The following PRDM1 variants were observed in gnomAD, a reference collection of about 807,000 sequenced individuals.
PRDM1 encodes PR domain zinc finger protein 1.
PRDM1 carries 13 observed loss-of-function variants against 62.8 expected under a neutral mutation model. The observed-to-expected ratio is 0.21, with a 90% CI of 0.13 to 0.33. PRDM1 has a LOEUF of 0.33. Among genes scored for constraint, PRDM1 ranks in the 10% least tolerant of loss-of-function variants. PRDM1 has a pLI of 1.00. For synonymous variants in PRDM1, 396 were observed against 417.6 expected, an observed-to-expected ratio of 0.95 and a Z score of 0.63; for missense variants, 895 against 1,058.8, an observed-to-expected ratio of 0.85 and a Z score of 2.15.
chr6:106,014,393 A>G (rs922589470), intron 1 of PRDM1, among the ~76,000 whole-genome samples: 6 of 151,210 alleles, frequency 4.0e-5, no homozygotes, highest in South Asian at 4.2e-4. Flanking sequence ...TGCCTTGTTC[A>G]CTGTTGTCTC....
chr6:106,100,703 C>T (rs1368074155), intron 4 of PRDM1: 1 of 152,192 alleles, frequency 6.6e-6, no homozygotes, highest in Non-Finnish European at 1.5e-5. Flanking sequence ...CTTCATTTTA[C>T]TTGATCTCCC....
rs1774515510 is a variant in PRDM1, at chr6:106,107,145, G to T, written c.2137G>T (p.Ala713Ser). ...TCACCTGAAAGGGAACTGCGCTGCG[G>T]CCCCGGCGCCTGGGCTGCCCTTGGA... ...KVHLKGNCAA[A>S]PAPGLPLEDL... Residue 713 changes from alanine (A) to serine (S), a missense_variant, in exon 7 of 7, where the codon GCC becomes TCC. Physicochemically the swap from Ala to Ser is moderately conservative, Grantham distance 99. Transcript: ENST00000369096. 6.2e-7 allele frequency: 1 copy of T among 1,614,152 alleles called. No individual in the cohort carries two copies. The highest frequency in any genetic ancestry group is 8.5e-7 in the Non-Finnish European group (1 of 1,180,000).
At chr6:106,094,370 CTG>C (rs1197379080) in intron 2 of PRDM1, among the ~76,000 whole-genome samples, 2 of 152,180 alleles carry the variant, frequency 1.3e-5, no homozygotes, top group African/African-American at 4.8e-5. Context: ...TAACTGCAAA[CTG>C]TTGTAAAGGA....
In PRDM1 at chr6:106,107,948, T is replaced by C. The variant is rs1286980256; in HGVS notation, c.*462T>C. 2 of 232,634 alleles carry C rather than the reference T, an allele frequency of 8.6e-6. No homozygotes were observed. Among genetic ancestry groups the C allele is most frequent in the Non-Finnish European group, 1.7e-5 (2 of 117,506 alleles). 14.4% of individuals were successfully genotyped at this position (232,634 alleles called of 1,614,324 possible). ...ATTTGAGTATAAATGTATTTTTGTC[T>C]TGTGGCCATTCTTTGTAGATAATTT... On this transcript the variant is annotated 3_prime_UTR_variant, in exon 7 of 7. Coordinates refer to ENST00000369096, the MANE Select transcript of PRDM1 (RefSeq NM_001198.4).
chr6:106,071,357 T>G (rs1472716373), intron 1 of PRDM1, among the ~76,000 whole-genome samples: 1 of 152,180 alleles, frequency 6.6e-6, no homozygotes, highest in East Asian at 1.9e-4. Context: ...TATATATGTA[T>G]GTATGTATAT....
upstream of PRDM1, among the ~76,000 whole-genome samples, chr6:106,081,781 T>C (rs1348317386): frequency 6.6e-6 from 1 of 152,204 alleles, no homozygotes; most frequent in Admixed American, 6.5e-5. Context: ...CTTTGGTTAA[T>C]ATTCTGTGAT....
chr6:106,014,441 C>CAAAA (rs10625805), intron 1 of PRDM1, among the ~76,000 whole-genome samples: 24 of 147,528 alleles, frequency 1.6e-4, no homozygotes, highest in Non-Finnish European at 2.8e-4. Flanking sequence ...AAGAAATGTT[C>CAAAA]AAAAAAAAAA....
chr6:106,055,167 A>G (rs1773242861), intron 1 of PRDM1, among the ~76,000 whole-genome samples: 1 of 152,202 alleles, frequency 6.6e-6, no homozygotes, highest in East Asian at 1.9e-4. Context: ...ATCACTGCTA[A>G]TTGAACCTTC....
chr6:106,081,564 A>T (rs1488210438), upstream of PRDM1, among the ~76,000 whole-genome samples: 1 of 152,190 alleles, frequency 6.6e-6, no homozygotes, highest in East Asian at 1.9e-4. Context: ...TCTTCGACTT[A>T]GATTGGATAC....
chr6:106,064,242 G>C (rs1442205810), intron 1 of PRDM1, among the ~76,000 whole-genome samples: 1 of 152,114 alleles, frequency 6.6e-6, no homozygotes, highest in Non-Finnish European at 1.5e-5. Flanking sequence ...TTCAGATAAG[G>C]CCCAAAAGCA....
At chr6:106,099,598 G>A (rs774798946) in intron 4 of PRDM1, 46 bp downstream of exon 4, 6 of 1,603,474 alleles carry the variant, frequency 3.7e-6, no homozygotes, top group Middle Eastern at 1.7e-4. Flanking sequence ...CAGTAATGTC[G>A]GTTCTGCCCC....
Position 106,108,865 on chromosome 6 carries a change from T to C in PRDM1, c.*1379T>C, listed in dbSNP as rs1774597344. ...GGAAATGATGTCTTATCTAATGATT[T>C]GCTTCTCTAGAGGAGAAACCGAGTA... On this transcript the variant is annotated 3_prime_UTR_variant, in exon 7 of 7. Coordinates refer to ENST00000369096, the MANE Select transcript of PRDM1 (RefSeq NM_001198.4). The C allele has an allele frequency of 4.3e-6, 1 of 232,320 alleles. No homozygotes were observed. The allele number at this position is 232,320 out of a possible 1,614,324, so 14.4% of individuals were successfully genotyped here. A position where few individuals can be genotyped will look rare whatever the true frequency, so the allele number is the denominator to read the frequency against.
chr6:106,104,281 G>A (rs762317591), intron 4 of PRDM1, among the ~76,000 whole-genome samples: 12 of 150,236 alleles, frequency 8.0e-5, no homozygotes, highest in South Asian at 2.1e-4. Context: ...GCACAATCTC[G>A]GCTCACCACA....
intron 1 of PRDM1, among the ~76,000 whole-genome samples, chr6:106,056,738 C>A (rs1341426501): frequency 6.6e-6 from 1 of 152,246 alleles, no homozygotes; most frequent in Non-Finnish European, 1.5e-5. Flanking sequence ...TTCTCTCCTG[C>A]ATTCAACCCC....
chr6:106,013,461 C>T (rs371439087), intron 1 of PRDM1, among the ~76,000 whole-genome samples: 2 of 151,018 alleles, frequency 1.3e-5, no homozygotes, highest in Non-Finnish European at 3.0e-5. Context: ...CCGAGTAGCT[C>T]GGATTACAGG....
chr6:106,000,207 A>G (rs1381724875), intron 1 of PRDM1, among the ~76,000 whole-genome samples: 1 of 152,218 alleles, frequency 6.6e-6, no homozygotes, highest in African/African-American at 2.4e-5. Context: ...ACCAACACCT[A>G]TCTCCAATAT....
At chr6:106,027,194 G>A (rs775289994) in intron 1 of PRDM1, among the ~76,000 whole-genome samples, 46 of 152,238 alleles carry the variant, frequency 3.0e-4, no homozygotes, top group South Asian at 6.2e-4. Context: ...TGCCGGGGGA[G>A]GGGCAAGACA....
intron 1 of PRDM1, among the ~76,000 whole-genome samples, chr6:106,014,058 A>ATT (rs71006664): frequency 0.027 from 2,790 of 104,948 alleles, 47 homozygotes; most frequent in South Asian, 0.045. Context: ...AGGACAAGGA[A>ATT]TTTTTTTTTT....
At chr6:106,101,063 A>C (rs1467415069) in intron 4 of PRDM1, among the ~76,000 whole-genome samples, 1 of 152,134 alleles carries the variant, frequency 6.6e-6, no homozygotes, top group Non-Finnish European at 1.5e-5. Flanking sequence ...CGACAAATGC[A>C]CAGGCACAGT....
Sources: gnomAD v4.1 joint callset for allele counts (sites outside exome capture counted in the v4.1 genomes callset) on GRCh38, gnomAD v4.1.1 for gene constraint, MANE v1.5 for transcripts, NCBI Gene and HGNC (gene_info 2026-07-23, HGNC 2026-07-21) for gene names.